TTC7B: variants seen among roughly 807,000 people sequenced by gnomAD.
TTC7B encodes the protein tetratricopeptide repeat domain 7B.
Under a neutral mutation model 106.8 loss-of-function variants are expected in TTC7B, and 28 were observed. The observed-to-expected ratio is 0.26, with a 90% confidence interval of 0.19 to 0.36. The LOEUF (loss-of-function observed/expected upper bound fraction) is 0.36. Ranked by LOEUF, TTC7B falls within the 10% of genes least tolerant of loss-of-function variation. The pLI is 1.00. For missense variants in TTC7B, 862 were observed against 1,076.4 expected (o/e 0.80, Z 2.79); for synonymous variants, 405 against 430.6 (o/e 0.94, Z 0.74).
chr14:90,679,637 G>A (rs186249415), intron 8 of TTC7B, among the ~76,000 whole-genome samples: 186 of 152,248 alleles, frequency 1.2e-3, no homozygotes, highest in African/African-American at 4.4e-3. Context: ...GGAAGGGGAC[G>A]CGAGCCCTCA....
chr14:90,728,861 C>T (rs992744098), intron 5 of TTC7B, among the ~76,000 whole-genome samples: 4 of 152,350 alleles, frequency 2.6e-5, no homozygotes, highest in South Asian at 2.1e-4. Context: ...CACCATTTAT[C>T]GTGAAAAGGG....
chr14:90,610,896 G>A, intron 16 of TTC7B, 57 bp from the exon 17 acceptor site: 2 of 1,227,280 alleles, frequency 1.6e-6, no homozygotes, highest in Non-Finnish European at 2.4e-6. Flanking sequence ...GGGAAGGAAA[G>A]AGAGGCAACC....
chr14:90,735,479 C>T (rs1379267547), intron 4 of TTC7B, among the ~76,000 whole-genome samples: 1 of 151,460 alleles, frequency 6.6e-6, no homozygotes, highest in Non-Finnish European at 1.5e-5. Context: ...TGCACTCCAG[C>T]CTGGGTGACA....
chr14:90,565,707 T>C (rs1406114033), intron 19 of TTC7B, among the ~76,000 whole-genome samples: 1 of 152,070 alleles, frequency 6.6e-6, no homozygotes, highest in African/African-American at 2.4e-5. Context: ...GCCAATCCTT[T>C]CTAGCTTTTG....
intron 2 of TTC7B, among the ~76,000 whole-genome samples, chr14:90,781,964 T>G (rs1891233499): frequency 6.6e-6 from 1 of 152,210 alleles, no homozygotes; most frequent in Non-Finnish European, 1.5e-5. Flanking sequence ...TGGCCAGACC[T>G]TCTCCTCAGA....
intron 1 of TTC7B, among the ~76,000 whole-genome samples, chr14:90,800,378 T>G (rs1030629212): frequency 6.6e-6 from 1 of 152,104 alleles, no homozygotes; most frequent in Non-Finnish European, 1.5e-5. Flanking sequence ...CATGTCCACA[T>G]CCTCATCTCT....
chr14:90,581,174 G>A (rs1891473273), intron 18 of TTC7B, among the ~76,000 whole-genome samples: 1 of 152,180 alleles, frequency 6.6e-6, no homozygotes, highest in African/African-American at 2.4e-5. Flanking sequence ...TTGTGGAGGG[G>A]CATACTGGGT....
intron 12 of TTC7B, 88 bp downstream of exon 12, chr14:90,654,905 A>T: frequency 2.8e-6 from 3 of 1,068,834 alleles, no homozygotes; most frequent in South Asian, 1.3e-5. Flanking sequence ...CCCTCCTGAG[A>T]CAGAAGGGGA....
intron 18 of TTC7B, among the ~76,000 whole-genome samples, chr14:90,583,432 A>G (rs1891584738): frequency 6.6e-6 from 1 of 152,222 alleles, no homozygotes. Flanking sequence ...GGGAAGCAAC[A>G]GCAAATGAAA....
intron 19 of TTC7B, among the ~76,000 whole-genome samples, chr14:90,544,618 G>A (rs772808059): frequency 5.3e-5 from 8 of 152,194 alleles, no homozygotes; most frequent in Admixed American, 1.3e-4. Flanking sequence ...TCAGTAGGAC[G>A]CGAGGCTGAA....
chr14:90,704,887 C>T (rs1299318084), intron 5 of TTC7B, among the ~76,000 whole-genome samples: 1 of 152,190 alleles, frequency 6.6e-6, no homozygotes, highest in Non-Finnish European at 1.5e-5. Context: ...AGTCAGAGTT[C>T]ACACTCACTC....
chr14:90,736,062 CAG>C (rs541824937), intron 4 of TTC7B, among the ~76,000 whole-genome samples: 10 of 151,520 alleles, frequency 6.6e-5, no homozygotes, highest in Non-Finnish European at 1.0e-4. Context: ...AAATATATGA[CAG>C]AAAATATGAA....
intron 5 of TTC7B, chr14:90,699,181 T>C: frequency 2.2e-6 from 1 of 456,028 alleles, no homozygotes; most frequent in Non-Finnish European, 4.4e-6. Context: ...GTTCTATGAC[T>C]CTGAACCACA....
At chr14:90,617,229 G>A (rs558887294) in intron 16 of TTC7B, among the ~76,000 whole-genome samples, 1 of 152,238 alleles carries the variant, frequency 6.6e-6, no homozygotes, top group African/African-American at 2.4e-5. Flanking sequence ...TTTTGTTTGG[G>A]GGAGAGACAA....
At chr14:90,643,962 A>T in intron 15 of TTC7B, 86 bp downstream of exon 15, 3 of 1,490,860 alleles carry the variant, frequency 2.0e-6, no homozygotes, top group Non-Finnish European at 2.8e-6. Context: ...TCCATGAGGG[A>T]CTTAGACAGA....
At chr14:90,762,702 G>A (rs1156425379) in intron 3 of TTC7B, among the ~76,000 whole-genome samples, 1 of 152,120 alleles carries the variant, frequency 6.6e-6, no homozygotes, top group African/African-American at 2.4e-5. Context: ...TATTGCTGTA[G>A]AACAGAATAG....
intron 9 of TTC7B, among the ~76,000 whole-genome samples, chr14:90,668,827 CTT>C (rs11291974): frequency 0.022 from 1,941 of 88,434 alleles, 16 homozygotes; most frequent in African/African-American, 0.049. Flanking sequence ...AAAATTTCAA[CTT>C]TTTTTTTTTT....
intron 5 of TTC7B, 73 bp from the exon 6 acceptor site, chr14:90,695,651 A>G (rs754100068): frequency 3.5e-5 from 34 of 963,336 alleles, no homozygotes; most frequent in Non-Finnish European, 4.9e-5. Context: ...GCACGTTTCA[A>G]TGCATTTTGT....
At chr14:90,638,654 A>C (rs1051281391) in intron 15 of TTC7B, among the ~76,000 whole-genome samples, 3 of 152,252 alleles carry the variant, frequency 2.0e-5, no homozygotes, top group African/African-American at 7.2e-5. Context: ...TAAATATACA[A>C]TTCTCCCCAA....
Sources: gnomAD v4.1 joint callset for allele counts (sites outside exome capture counted in the v4.1 genomes callset) on GRCh38, gnomAD v4.1.1 for gene constraint, MANE v1.5 for transcripts, NCBI Gene and HGNC (gene_info 2026-07-23, HGNC 2026-07-21) for gene names.